The following ACER3 variants were observed in gnomAD, a reference collection of about 807,000 sequenced individuals.
ACER3 encodes the protein alkaline ceramidase 3, also known as alkCDase 3.
In ACER3, 16 loss-of-function variants were observed where a neutral mutation model predicts 48.9. The ratio of observed to expected loss-of-function variants is 0.33; its 90% confidence interval spans 0.22 to 0.50. ACER3 has a LOEUF of 0.50. Ranked by LOEUF, ACER3 falls within the 20% of genes least tolerant of loss-of-function variation. ACER3 has a pLI of 0.98. For missense variants in ACER3, 227 were observed against 326.0 expected (o/e 0.70, Z 2.34); for synonymous variants, 109 against 107.8 (o/e 1.01, Z -0.07).
At chr11:76,864,846 T>TC (rs1945033486) in intron 1 of ACER3, among the ~76,000 whole-genome samples, 1 of 92,478 alleles carries the variant, frequency 1.1e-5, no homozygotes, top group African/African-American at 2.7e-5. Flanking sequence ...GTGATCCACC[T>TC]GTTCAGCCTC....
chr11:76,952,812 C>T (rs1330552818), intron 2 of ACER3, among the ~76,000 whole-genome samples: 3 of 151,330 alleles, frequency 2.0e-5, no homozygotes, highest in Admixed American at 2.0e-4. Flanking sequence ...ATTACAGGTG[C>T]CTGTCACCAC....
intron 2 of ACER3, among the ~76,000 whole-genome samples, chr11:76,954,192 C>T (rs1251684665): frequency 6.6e-6 from 1 of 152,114 alleles, no homozygotes; most frequent in Non-Finnish European, 1.5e-5. Context: ...GGTGATCCAC[C>T]CACCTCGGCC....
chr11:76,894,699 A>G (rs1945887298), intron 1 of ACER3, among the ~76,000 whole-genome samples: 1 of 152,244 alleles, frequency 6.6e-6, no homozygotes, highest in South Asian at 2.1e-4. Context: ...TTTTACATTC[A>G]TGAAAGTGTA....
chr11:77,016,822 GTTTT>G (rs112678860), intron 9 of ACER3, 43 bp downstream of exon 9: 1 of 852,390 alleles, frequency 1.2e-6, no homozygotes, highest in Admixed American at 3.0e-5. Context: ...AGAGTTTGTT[GTTTT>G]TTTTTTTCTT....
chr11:77,015,876 G>T (rs778512142), intron 8 of ACER3, among the ~76,000 whole-genome samples: 4 of 152,150 alleles, frequency 2.6e-5, no homozygotes, highest in Admixed American at 6.5e-5. Flanking sequence ...GGGAGGCCGA[G>T]GGGGCGGATC....
At chr11:77,001,065 T>C (rs1465468356) in intron 7 of ACER3, among the ~76,000 whole-genome samples, 2 of 152,230 alleles carry the variant, frequency 1.3e-5, no homozygotes, top group Non-Finnish European at 2.9e-5. Context: ...TTGATTTATT[T>C]AGATCTTTAA....
intron 1 of ACER3, among the ~76,000 whole-genome samples, chr11:76,902,392 A>G (rs966402868): frequency 2.6e-5 from 4 of 152,220 alleles, no homozygotes; most frequent in Non-Finnish European, 5.9e-5. Flanking sequence ...TTTCAATACA[A>G]GATAAAAAGG....
chr11:76,909,269 A>C (rs1199211655), intron 1 of ACER3, among the ~76,000 whole-genome samples: 1 of 152,216 alleles, frequency 6.6e-6, no homozygotes, highest in Non-Finnish European at 1.5e-5. Context: ...AAAATTGACA[A>C]ATGGGATCTA....
chr11:76,889,666 A>G (rs1410379892), intron 1 of ACER3, among the ~76,000 whole-genome samples: 1 of 152,158 alleles, frequency 6.6e-6, no homozygotes, highest in Non-Finnish European at 1.5e-5. Flanking sequence ...GTATTCCTGA[A>G]CACAGAATGC....
chr11:76,943,912 C>A (rs1388081835), intron 2 of ACER3, among the ~76,000 whole-genome samples: 1 of 70,710 alleles, frequency 1.4e-5, no homozygotes, highest in East Asian at 3.7e-4. Flanking sequence ...TGACCTTTGT[C>A]CTTTTTTTTT....
chr11:76,982,746 G>A (rs1323770999), intron 4 of ACER3, among the ~76,000 whole-genome samples: 1 of 151,930 alleles, frequency 6.6e-6, no homozygotes, highest in African/African-American at 2.4e-5. Context: ...TGCCTTCCCA[G>A]GATCAAAAAT....
At chr11:76,983,345 G>A (rs1948624780) in intron 4 of ACER3, among the ~76,000 whole-genome samples, 1 of 151,902 alleles carries the variant, frequency 6.6e-6, no homozygotes, top group South Asian at 2.1e-4. Context: ...TTGACATGGG[G>A]TCTGGCTCTC....
At chr11:76,940,162 A>T (rs890707592) in intron 2 of ACER3, among the ~76,000 whole-genome samples, 4 of 150,888 alleles carry the variant, frequency 2.7e-5, no homozygotes, top group Admixed American at 6.6e-5. Context: ...TTTTTTTTTT[A>T]AATAGAGATG....
intron 1 of ACER3, among the ~76,000 whole-genome samples, chr11:76,890,550 T>C (rs1945779580): frequency 6.6e-6 from 1 of 152,196 alleles, no homozygotes; most frequent in Non-Finnish European, 1.5e-5. Context: ...GTGCGCATAT[T>C]GTTCATGATA....
intron 1 of ACER3, among the ~76,000 whole-genome samples, chr11:76,898,791 C>T (rs930541320): frequency 6.7e-6 from 1 of 148,542 alleles, no homozygotes; most frequent in Non-Finnish European, 1.5e-5. Flanking sequence ...GTAGTCCCAG[C>T]TACTTGGGAG....
At chr11:76,960,463 ACTT>A (rs765559571) in intron 3 of ACER3, among the ~76,000 whole-genome samples, 2 of 151,970 alleles carry the variant, frequency 1.3e-5, no homozygotes, top group African/African-American at 2.4e-5. Flanking sequence ...CTAAAATACT[ACTT>A]CTCTCTCTAT....
chr11:76,925,791 C>G (rs934640454), intron 1 of ACER3, among the ~76,000 whole-genome samples: 2 of 152,148 alleles, frequency 1.3e-5, no homozygotes, highest in Non-Finnish European at 2.9e-5. Context: ...CTTCTACCCT[C>G]TCAGTGAATT....
In ACER3 at chr11:77,024,463, G is replaced by A. The variant is rs1949523067; in HGVS notation, c.*4136G>A. ...TACCCAGATATGGACACTTCTACAC[G>A]TGAAATTCAAACTGAAGATAAAACT... On this transcript the variant is annotated 3_prime_UTR_variant, in exon 11 of 11. Transcript: ENST00000532485. 1 of 152,044 alleles carries A rather than the reference G, an allele frequency of 6.6e-6. No homozygotes were observed. The highest frequency in any genetic ancestry group is 2.1e-4 in the South Asian group (1 of 4,830). The allele number at this position is 152,044 out of a possible 1,614,324, so 9.4% of individuals were successfully genotyped here.
intron 3 of ACER3, among the ~76,000 whole-genome samples, chr11:76,975,304 T>G (rs1005971289): frequency 6.6e-6 from 1 of 152,206 alleles, no homozygotes; most frequent in Non-Finnish European, 1.5e-5. Context: ...AGTGGACATT[T>G]TATTAAAGAA....
Sources: allele counts gnomAD v4.1 joint callset (sites outside exome capture counted in the v4.1 genomes callset), GRCh38; gene constraint gnomAD v4.1.1; transcripts MANE v1.5; gene names NCBI Gene and HGNC (gene_info 2026-07-23, HGNC 2026-07-21).